NCKAP5: variants seen among roughly 807,000 people sequenced by gnomAD.
NCKAP5 encodes the protein nck-associated protein 5.
In NCKAP5, 92 loss-of-function variants were observed where a neutral mutation model predicts 167.0. The ratio of observed to expected loss-of-function variants is 0.55; its 90% CI spans 0.47 to 0.66. The LOEUF (loss-of-function observed/expected upper bound fraction) is 0.66. NCKAP5 is among the 30% of genes least tolerant of loss of function. The probability of loss-of-function intolerance (pLI) is 0.00; values close to 1 mark genes in which losing one functional copy is unlikely to be tolerated. For missense variants in NCKAP5, 2,378 were observed against 2,315.0 expected (o/e 1.03, Z -0.56); for synonymous variants, 891 against 877.4 (o/e 1.02, Z -0.27).
At chr2:132,707,659 G>A (rs1340479825) in intron 19 of NCKAP5, among the ~76,000 whole-genome samples, 1 of 152,174 alleles carries the variant, frequency 6.6e-6, no homozygotes, top group Non-Finnish European at 1.5e-5. Context: ...GTAAGCGTGA[G>A]CAAAACCAAA....
chr2:133,614,915 C>A, the NCKAP5 span, among the ~76,000 whole-genome samples: 1 of 152,178 alleles, frequency 6.6e-6, no homozygotes, highest in Admixed American at 6.5e-5. Flanking sequence ...TCGGGCTACC[C>A]TCAAAGGGAA....
intron 4 of NCKAP5, among the ~76,000 whole-genome samples, chr2:133,253,934 A>G (rs2150347291): frequency 6.6e-6 from 1 of 152,322 alleles, no homozygotes; most frequent in East Asian, 1.9e-4. Flanking sequence ...CAACCAGGAT[A>G]TCTGCCTTCC....
At chr2:133,414,005 C>T (rs1485974410) in intron 3 of NCKAP5, among the ~76,000 whole-genome samples, 4 of 152,192 alleles carry the variant, frequency 2.6e-5, no homozygotes, top group Non-Finnish European at 1.5e-5. Flanking sequence ...ATCTCACTAT[C>T]CTGGTGCCCT....
chr2:133,501,735 TAAC>T (rs1682536551), intron 3 of NCKAP5, among the ~76,000 whole-genome samples: 2 of 152,238 alleles, frequency 1.3e-5, no homozygotes, highest in African/African-American at 4.8e-5. Flanking sequence ...TAGTTAATAT[TAAC>T]AAGAGCTAAG....
chr2:133,264,019 G>A (rs1206070688), intron 4 of NCKAP5, among the ~76,000 whole-genome samples: 1 of 152,122 alleles, frequency 6.6e-6, no homozygotes, highest in African/African-American at 2.4e-5. Flanking sequence ...TTAGATCCTA[G>A]GATAAGGCAA....
intron 2 of NCKAP5, among the ~76,000 whole-genome samples, chr2:133,519,530 C>G (rs1350182397): frequency 2.6e-5 from 4 of 152,120 alleles, no homozygotes; most frequent in African/African-American, 9.7e-5. Context: ...TCAGAACACC[C>G]TCTGCAGTGA....
chr2:133,240,734 T>G (rs1559306211), intron 4 of NCKAP5, among the ~76,000 whole-genome samples: 1 of 152,228 alleles, frequency 6.6e-6, no homozygotes, highest in East Asian at 1.9e-4. Flanking sequence ...AGACCCAAGC[T>G]GGCATATGGC....
intron 6 of NCKAP5, among the ~76,000 whole-genome samples, chr2:133,045,903 C>T (rs918055721): frequency 1.3e-5 from 2 of 152,104 alleles, no homozygotes; most frequent in African/African-American, 2.4e-5. Context: ...CCACTATCAA[C>T]CTTGAACACA....
At chr2:133,379,484 G>A (rs1245209498) in intron 3 of NCKAP5, among the ~76,000 whole-genome samples, 2 of 152,100 alleles carry the variant, frequency 1.3e-5, no homozygotes, top group Non-Finnish European at 2.9e-5. Context: ...AAGTTACCAG[G>A]ATTTTCTTGT....
At chr2:132,728,692 A>T in intron 18 of NCKAP5, 124 bp downstream of exon 18, 1 of 1,298,990 alleles carries the variant, frequency 7.7e-7, no homozygotes, top group African/African-American at 1.5e-5. Context: ...CTTGGTTTAT[A>T]TTCAGTAAAC....
the NCKAP5 span, among the ~76,000 whole-genome samples, chr2:133,616,920 C>T: frequency 7.2e-5 from 11 of 152,240 alleles, no homozygotes; most frequent in Admixed American, 1.3e-4. Context: ...ACTGGCAAAC[C>T]GAATTCAGCA....
intron 4 of NCKAP5, among the ~76,000 whole-genome samples, chr2:133,246,917 C>A (rs143032163): frequency 6.4e-4 from 97 of 152,274 alleles, no homozygotes; most frequent in African/African-American, 2.1e-3. Context: ...ATTATTTACT[C>A]CTCCTTGGAT....
chr2:133,232,058 G>C (rs1436524706), intron 4 of NCKAP5, among the ~76,000 whole-genome samples: 2 of 152,202 alleles, frequency 1.3e-5, no homozygotes, highest in African/African-American at 2.4e-5. Flanking sequence ...CACAAAAGCT[G>C]TGTGGGTTTT....
chr2:133,239,008 A>C (rs1441946999), intron 4 of NCKAP5, among the ~76,000 whole-genome samples: 1 of 152,210 alleles, frequency 6.6e-6, no homozygotes, highest in Non-Finnish European at 1.5e-5. Flanking sequence ...TGTTATACAT[A>C]CAATCCCTAA....
intron 6 of NCKAP5, among the ~76,000 whole-genome samples, chr2:133,093,674 C>T (rs1001813713): frequency 1.3e-5 from 2 of 152,174 alleles, no homozygotes; most frequent in African/African-American, 4.8e-5. Context: ...GCAGTGGTGG[C>T]TTCTGGTATA....
intron 4 of NCKAP5, among the ~76,000 whole-genome samples, chr2:133,226,322 C>T (rs910030551): frequency 3.9e-5 from 6 of 152,072 alleles, no homozygotes; most frequent in Admixed American, 3.3e-4. Context: ...GTTGGAGGGG[C>T]TTTGCTAGGC....
the NCKAP5 span, among the ~76,000 whole-genome samples, chr2:133,593,312 C>T: frequency 6.6e-6 from 1 of 150,978 alleles, no homozygotes; most frequent in South Asian, 2.1e-4. Context: ...GAAGAAGATA[C>T]CCAATTCAGT....
intron 4 of NCKAP5, among the ~76,000 whole-genome samples, chr2:133,269,438 T>C (rs1298026837): frequency 6.6e-6 from 1 of 152,068 alleles, no homozygotes; most frequent in Non-Finnish European, 1.5e-5. Flanking sequence ...CCTGAATGAA[T>C]GATTAAAGGA....
chr2:133,546,009 G>T (rs35323735), intron 2 of NCKAP5, among the ~76,000 whole-genome samples: 41,782 of 152,038 alleles, frequency 0.27, 6,283 homozygotes, highest in East Asian at 0.38. Flanking sequence ...CAAAATAATA[G>T]TCTGGTTTTG....
Sources: allele counts gnomAD v4.1 joint callset (sites outside exome capture counted in the v4.1 genomes callset), GRCh38; gene constraint gnomAD v4.1.1; transcripts MANE v1.5; gene names NCBI Gene and HGNC (gene_info 2026-07-23, HGNC 2026-07-21).